Variants in HACD2 observed in about 807,000 individuals in gnomAD.
The protein encoded by HACD2 is very-long-chain (3R)-3-hydroxyacyl-CoA dehydratase 2.
Under a neutral mutation model 31.0 loss-of-function variants are expected in HACD2, and 15 were observed. The ratio of observed to expected loss-of-function variants is 0.48; its 90% CI spans 0.32 to 0.75. The LOEUF is 0.75. Among genes scored for constraint, HACD2 ranks in the 30% least tolerant of loss-of-function variants. HACD2 has a pLI of 0.03. For missense variants in HACD2, 283 were observed against 313.0 expected (o/e 0.90, Z 0.72); for synonymous variants, 115 against 122.2 (o/e 0.94, Z 0.39).
chr3:123,565,111 T>C (rs552597382), intron 3 of HACD2, among the ~76,000 whole-genome samples: 1 of 152,182 alleles, frequency 6.6e-6, no homozygotes, highest in Non-Finnish European at 1.5e-5. Context: ...GCACCTGGTA[T>C]GCACACGTGC....
chr3:123,529,969 T>C lies in HACD2; in HGVS notation c.293-1495A>G, dbSNP rs527632480. Among the ~76,000 whole-genome samples the C allele has an allele frequency of 3.3e-5, 5 of 152,322 alleles. No homozygotes were observed. In the South Asian group the frequency reaches 8.3e-4, roughly 25 times the overall value. Reference sequence around the variant, plus strand: ...CTCATATACTGCAAAACAAGGCTTATGTTTTAAGCCATTCTTGTAAAATAA... The same window carrying C: ...CTCATATACTGCAAAACAAGGCTTACGTTTTAAGCCATTCTTGTAAAATAA... On this transcript the variant is annotated intron_variant, in intron 3 of 6. Transcript: ENST00000383657.
At chr3:123,538,463 A>G (rs1297763601) in intron 3 of HACD2, among the ~76,000 whole-genome samples, 1 of 152,226 alleles carries the variant, frequency 6.6e-6, no homozygotes, top group African/African-American at 2.4e-5. Flanking sequence ...TAAAGGAGAA[A>G]CATAAGAAAT....
At position 123,585,022 on chromosome 3, in the gene HACD2, C is replaced by T. The variant is rs766386380; in HGVS notation, c.6G>A (p.Ala2=). 1.3e-6 allele frequency: 2 copies of T among 1,504,032 alleles called. No individual in the cohort carries two copies. The highest frequency in any genetic ancestry group is 1.5e-5 in the African/African-American group (1 of 68,860). 93.2% of individuals were successfully genotyped at this position (1,504,032 alleles called of 1,614,324 possible). A position where few individuals can be genotyped will look rare whatever the true frequency, so the allele number is the denominator to read the frequency against. Residue 2 remains alanine (A), a synonymous_variant, in exon 1 of 7, where the codon GCG becomes GCA. Coordinates refer to ENST00000383657, the MANE Select transcript of HACD2 (RefSeq NM_198402.5). M[A]AVAATAAAKG... ...TCGCTGCTGCAGTCGCCGCCACTGC[C>T]GCCATGTCAAGTGCCCGAAGCCCGC...
At chr3:123,534,936 A>T (rs576429023) in intron 3 of HACD2, among the ~76,000 whole-genome samples, 1 of 152,372 alleles carries the variant, frequency 6.6e-6, no homozygotes, top group South Asian at 2.1e-4. Flanking sequence ...TTTTAAGCTA[A>T]GAGTTTTACA....
At chr3:123,570,150 C>CTT (rs1206914502) in intron 2 of HACD2, among the ~76,000 whole-genome samples, 1 of 151,942 alleles carries the variant, frequency 6.6e-6, no homozygotes, top group Non-Finnish European at 1.5e-5. Flanking sequence ...GCACTCTCCC[C>CTT]TTTTTAATCA....
intron 3 of HACD2, among the ~76,000 whole-genome samples, chr3:123,537,218 G>A (rs1452943355): frequency 6.6e-6 from 1 of 152,200 alleles, no homozygotes; most frequent in African/African-American, 2.4e-5. Context: ...GAGATGTTAT[G>A]TAAAATGAAA....
intron 3 of HACD2, among the ~76,000 whole-genome samples, chr3:123,567,265 G>T (rs1471864098): frequency 1.3e-5 from 2 of 152,124 alleles, no homozygotes; most frequent in Admixed American, 6.6e-5. Context: ...AAAACATATT[G>T]TATCTGCTTT....
chr3:123,551,236 A>G (rs1247145223), intron 3 of HACD2, among the ~76,000 whole-genome samples: 1 of 152,052 alleles, frequency 6.6e-6, no homozygotes, highest in African/African-American at 2.4e-5. Context: ...TTTACCTCCT[A>G]GGCTTAAGGG....
At chr3:123,563,296 C>T (rs943565006) in intron 3 of HACD2, among the ~76,000 whole-genome samples, 3 of 152,120 alleles carry the variant, frequency 2.0e-5, no homozygotes, top group Non-Finnish European at 4.4e-5. Context: ...CTGGAAGAGA[C>T]ACACAGAGCT....
chr3:123,531,744 T>G (rs2107710430), intron 3 of HACD2, among the ~76,000 whole-genome samples: 1 of 152,346 alleles, frequency 6.6e-6, no homozygotes, highest in East Asian at 1.9e-4. Context: ...TTGTTTTTGC[T>G]TTTCTCATTT....
In HACD2 at chr3:123,495,523, C is replaced by T. The variant is rs78897183; in HGVS notation, c.683-553G>A. Among the ~76,000 whole-genome samples, 1,502 of 150,744 alleles carry T rather than the reference C, an allele frequency of 1.0e-2. 22 individuals are homozygous for T. The highest frequency in any genetic ancestry group is 0.034 in the African/African-American group (1,394 of 40,848). ...AGCAACCTCTCTTGGGAAGTAGTTT[C>T]GGGTAAAGACTTGAGGAGGAGGAGG... On this transcript the variant is annotated intron_variant, in intron 6 of 6. Transcript: ENST00000383657.
intron 4 of HACD2, among the ~76,000 whole-genome samples, chr3:123,504,784 A>T (rs761194571): frequency 4.7e-4 from 72 of 152,248 alleles, no homozygotes; most frequent in Non-Finnish European, 9.6e-4. Flanking sequence ...CATTTCTTCC[A>T]ATCAATAGGA....
At chr3:123,538,385 C>A (rs1427446028) in intron 3 of HACD2, among the ~76,000 whole-genome samples, 1 of 152,064 alleles carries the variant, frequency 6.6e-6, no homozygotes. Flanking sequence ...ATTATATTTT[C>A]TTTGTGCTAA....
chr3:123,551,411 G>A (rs1156631339), intron 3 of HACD2, among the ~76,000 whole-genome samples: 1 of 151,990 alleles, frequency 6.6e-6, no homozygotes, highest in Non-Finnish European at 1.5e-5. Context: ...TTGAAGTCAG[G>A]AGTTCGAAAC....
At chr3:123,497,909 G>T (rs1233854009) in intron 6 of HACD2, among the ~76,000 whole-genome samples, 1 of 152,222 alleles carries the variant, frequency 6.6e-6, no homozygotes, top group African/African-American at 2.4e-5. Context: ...AAGATTAAAA[G>T]AACGCTACCT....
At chr3:123,499,410 G>T (rs1376546386) in intron 6 of HACD2, 7 of 278,284 alleles carry the variant, frequency 2.5e-5, no homozygotes, top group Non-Finnish European at 5.1e-5. Flanking sequence ...TATGATTCCA[G>T]CACTAGAGAG....
chr3:123,550,760 G>A (rs1475870850), intron 3 of HACD2, among the ~76,000 whole-genome samples: 1 of 152,070 alleles, frequency 6.6e-6, no homozygotes, highest in East Asian at 1.9e-4. Flanking sequence ...AGCTGGGACA[G>A]AGATGCAGGA....
At chr3:123,541,507 A>C (rs2056490303) in intron 3 of HACD2, among the ~76,000 whole-genome samples, 1 of 152,212 alleles carries the variant, frequency 6.6e-6, no homozygotes. Context: ...CTGTACTAGA[A>C]GGTTGTGAAA....
chr3:123,518,952 G>A lies in HACD2; in HGVS notation c.381+9434C>T, dbSNP rs377491106. ...GTGGAGGTTGCAGTGGGCCGAGATC[G>A]CGTCACTGCACTCCAGCCTGGATGA... On this transcript the variant is annotated intron_variant, in intron 4 of 6. Transcript: ENST00000383657. 6.7e-4 allele frequency among the ~76,000 whole-genome samples: 97 copies of A among 144,460 alleles called. 1 individual carries two copies. In the South Asian group the frequency reaches 0.021, roughly 31 times the overall value. The allele number at this position is 144,460 out of a possible 152,430, so 94.8% of individuals were successfully genotyped here.
Sources: allele counts gnomAD v4.1 joint callset (sites outside exome capture counted in the v4.1 genomes callset), GRCh38; gene constraint gnomAD v4.1.1; transcripts MANE v1.5; gene names NCBI Gene and HGNC (gene_info 2026-07-23, HGNC 2026-07-21).